Variants in ZNF385D observed in about 807,000 individuals in gnomAD.
ZNF385D encodes the protein zinc finger protein 659.
Under a neutral mutation model 35.8 loss-of-function variants are expected in ZNF385D, and 15 were observed. The ratio of observed to expected loss-of-function variants is 0.42; its 90% CI spans 0.28 to 0.64. The LOEUF (loss-of-function observed/expected upper bound fraction) is 0.64. Among genes scored for constraint, ZNF385D ranks in the 30% least tolerant of loss-of-function variants. ZNF385D has a pLI of 0.23. For synonymous variants in ZNF385D, 212 were observed against 186.8 expected (o/e 1.13, Z -1.10); for missense variants, 474 against 494.6 (o/e 0.96, Z 0.39).
intron 4 of ZNF385D, among the ~76,000 whole-genome samples, chr3:21,463,224 A>AT (rs11379610): frequency 0.96 from 145,754 of 152,020 alleles, 69,947 homozygotes; most frequent in East Asian, 1. Flanking sequence ...GAGCAAAAAA[A>AT]ATTCAATAGC....
At chr3:21,967,784 T>C (rs956897696) in intron 3 of ZNF385D, among the ~76,000 whole-genome samples, 1 of 152,178 alleles carries the variant, frequency 6.6e-6, no homozygotes, top group Admixed American at 6.5e-5. Flanking sequence ...ATGAGGTTCC[T>C]AAAAGAGATT....
At chr3:22,074,099 T>C (rs1432755646) in intron 3 of ZNF385D, among the ~76,000 whole-genome samples, 1 of 151,992 alleles carries the variant, frequency 6.6e-6, no homozygotes, top group Admixed American at 6.6e-5. Context: ...TTTCCCAGGA[T>C]ACTTTTTTTC....
At chr3:22,081,991 A>ATT (rs67970020) in intron 3 of ZNF385D, among the ~76,000 whole-genome samples, 7 of 133,346 alleles carry the variant, frequency 5.2e-5, no homozygotes, top group Admixed American at 3.8e-4. Flanking sequence ...GGGGTTTTCT[A>ATT]TTTTTTTTTT....
intron 3 of ZNF385D, among the ~76,000 whole-genome samples, chr3:22,132,166 T>TG (rs1703838618): frequency 6.6e-6 from 1 of 152,134 alleles, no homozygotes; most frequent in Admixed American, 6.6e-5. Flanking sequence ...ACCCCTGTGG[T>TG]GATGGTATTT....
At chr3:21,430,699 T>C (rs1406582264) in intron 5 of ZNF385D, among the ~76,000 whole-genome samples, 1 of 152,170 alleles carries the variant, frequency 6.6e-6, no homozygotes, top group Non-Finnish European at 1.5e-5. Flanking sequence ...AGACACACAC[T>C]GAAAAATCTT....
At chr3:21,837,816 G>C (rs934124489) in intron 3 of ZNF385D, among the ~76,000 whole-genome samples, 1 of 149,630 alleles carries the variant, frequency 6.7e-6, no homozygotes, top group Non-Finnish European at 1.5e-5. Flanking sequence ...AGGTTGCAGT[G>C]AGCCAAGATA....
At chr3:22,188,151 A>G (rs1695766361) in intron 2 of ZNF385D, among the ~76,000 whole-genome samples, 1 of 152,180 alleles carries the variant, frequency 6.6e-6, no homozygotes, top group Admixed American at 6.6e-5. Flanking sequence ...TATTCTGTGG[A>G]CAAAGACGAA....
intron 3 of ZNF385D, among the ~76,000 whole-genome samples, chr3:22,048,965 T>G (rs1271445026): frequency 6.6e-6 from 1 of 152,176 alleles, no homozygotes; most frequent in East Asian, 1.9e-4. Context: ...TTTTCTTGAC[T>G]TTTTCTTTGT....
intron 2 of ZNF385D, among the ~76,000 whole-genome samples, chr3:22,358,032 T>C (rs555158476): frequency 3.9e-4 from 60 of 152,012 alleles, no homozygotes; most frequent in Non-Finnish European, 7.7e-4. Flanking sequence ...TTGAATTATA[T>C]CCATATTTCC....
intron 3 of ZNF385D, among the ~76,000 whole-genome samples, chr3:22,000,304 CAA>C (rs35298204): frequency 0.25 from 36,833 of 147,488 alleles, 8,763 homozygotes; most frequent in African/African-American, 0.63. Flanking sequence ...GACTCCATCT[CAA>C]AAAAAAAAAG....
intron 2 of ZNF385D, among the ~76,000 whole-genome samples, chr3:21,595,256 A>T (rs936371712): frequency 6.6e-6 from 1 of 151,982 alleles, no homozygotes. Flanking sequence ...TTTCACCTTT[A>T]TTCAGTTCTT....
intron 5 of ZNF385D, among the ~76,000 whole-genome samples, chr3:21,435,453 T>TG (rs1156345659): frequency 1.3e-5 from 2 of 151,778 alleles, no homozygotes; most frequent in Non-Finnish European, 2.9e-5. Context: ...TTTGTGGAGA[T>TG]GGGGGTCTCC....
intron 3 of ZNF385D, among the ~76,000 whole-genome samples, chr3:21,863,404 T>C (rs954454304): frequency 1.3e-5 from 2 of 152,168 alleles, no homozygotes; most frequent in Non-Finnish European, 2.9e-5. Context: ...GTTGACTGCA[T>C]GGAAAGATGA....
At chr3:22,331,485 A>G (rs149148329) in intron 2 of ZNF385D, among the ~76,000 whole-genome samples, 13 of 152,290 alleles carry the variant, frequency 8.5e-5, no homozygotes, top group African/African-American at 3.1e-4. Flanking sequence ...TGAAAACTTA[A>G]TATTATTTCA....
At chr3:22,048,434 T>C (rs767610503) in intron 3 of ZNF385D, among the ~76,000 whole-genome samples, 43 of 152,188 alleles carry the variant, frequency 2.8e-4, no homozygotes, top group Non-Finnish European at 4.9e-4. Context: ...GGGTGCAAGA[T>C]AAGGATTAAA....
intron 2 of ZNF385D, among the ~76,000 whole-genome samples, chr3:21,663,929 A>G (rs1044319329): frequency 7.3e-5 from 10 of 137,898 alleles, no homozygotes; most frequent in Non-Finnish European, 1.2e-4. Flanking sequence ...TTATTTATTT[A>G]AATCCATCAT....
chr3:21,654,393 G>A (rs1051289293), intron 2 of ZNF385D, among the ~76,000 whole-genome samples: 4 of 152,092 alleles, frequency 2.6e-5, no homozygotes, highest in Non-Finnish European at 4.4e-5. Context: ...ATGAGCTTCA[G>A]AGAGAACCAT....
intron 3 of ZNF385D, among the ~76,000 whole-genome samples, chr3:21,548,143 C>T (rs1438566947): frequency 6.6e-6 from 1 of 152,144 alleles, no homozygotes; most frequent in Non-Finnish European, 1.5e-5. Context: ...CAATAAAACC[C>T]TGCTTTACTC....
At chr3:22,123,885 C>CA (rs1703245849) in intron 3 of ZNF385D, among the ~76,000 whole-genome samples, 1 of 143,404 alleles carries the variant, frequency 7.0e-6, no homozygotes, top group Non-Finnish European at 1.5e-5. Flanking sequence ...CCAAACCAAA[C>CA]CAAACAAAAA....
Sources: gnomAD v4.1 joint callset for allele counts (sites outside exome capture counted in the v4.1 genomes callset) on GRCh38, gnomAD v4.1.1 for gene constraint, MANE v1.5 for transcripts, NCBI Gene and HGNC (gene_info 2026-07-23, HGNC 2026-07-21) for gene names.